DMRT1: variants seen among roughly 807,000 people sequenced by gnomAD.
DMRT1 encodes the protein doublesex- and mab-3-related transcription factor 1.
A neutral mutation model predicts 32.3 loss-of-function variants in DMRT1; 7 were observed. The ratio of observed to expected loss-of-function variants is 0.22; its 90% confidence interval spans 0.12 to 0.41. The LOEUF (loss-of-function observed/expected upper bound fraction) is 0.41, where lower values mean the gene tolerates loss of function less well. Among genes scored for constraint, DMRT1 ranks in the 10% least tolerant of loss-of-function variants. DMRT1 has a pLI of 1.00. For synonymous variants in DMRT1, 278 were observed against 206.1 expected, an observed-to-expected ratio of 1.35 and a Z score of -2.99; for missense variants, 625 against 500.5, an observed-to-expected ratio of 1.25 and a Z score of -2.37.
chr9:909,213 C>T (rs1244233347), intron 3 of DMRT1, among the ~76,000 whole-genome samples: 1 of 152,088 alleles, frequency 6.6e-6, no homozygotes, highest in Non-Finnish European at 1.5e-5. Flanking sequence ...GGCGGGTTTT[C>T]GCTGTGGGAA....
At chr9:868,442 G>T (rs574511205) in intron 2 of DMRT1, among the ~76,000 whole-genome samples, 1 of 152,230 alleles carries the variant, frequency 6.6e-6, no homozygotes, top group Admixed American at 6.5e-5. Context: ...TCACTACTTA[G>T]AATAAAAGTG....
intron 2 of DMRT1, among the ~76,000 whole-genome samples, chr9:856,427 T>C (rs1370527473): frequency 1.3e-5 from 2 of 152,154 alleles, no homozygotes; most frequent in African/African-American, 4.8e-5. Flanking sequence ...CAGACACTAA[T>C]AGATTTTCTG....
At chr9:940,444 C>T (rs1819025824) in intron 4 of DMRT1, among the ~76,000 whole-genome samples, 2 of 152,016 alleles carry the variant, frequency 1.3e-5, no homozygotes, top group South Asian at 2.1e-4. Context: ...GTGCTAAGAA[C>T]ATTCAATAGA....
chr9:858,873 ATATATAT>A (rs1564201495), intron 2 of DMRT1, among the ~76,000 whole-genome samples: 7 of 31,364 alleles, frequency 2.2e-4, no homozygotes, highest in African/African-American at 7.1e-4. Context: ...AAAAAAAAAT[ATATATAT>A]ATATATATAT....
intron 3 of DMRT1, among the ~76,000 whole-genome samples, chr9:903,078 C>A (rs1031307998): frequency 3.3e-5 from 5 of 152,210 alleles, no homozygotes; most frequent in African/African-American, 1.2e-4. Flanking sequence ...CCTTAAATGG[C>A]TTGTCAAGTC....
At chr9:887,050 G>T (rs55827977) in intron 2 of DMRT1, among the ~76,000 whole-genome samples, 6,985 of 152,278 alleles carry the variant, frequency 0.046, 454 homozygotes, top group African/African-American at 0.15. Context: ...TATTAGCTGG[G>T]CGTGGTGGCG....
At chr9:899,329 A>G (rs1430152567) in intron 3 of DMRT1, among the ~76,000 whole-genome samples, 1 of 152,190 alleles carries the variant, frequency 6.6e-6, no homozygotes, top group Non-Finnish European at 1.5e-5. Context: ...AGGGTTTCGA[A>G]TTTTTATTGT....
chr9:951,599 A>G (rs1819428900), intron 4 of DMRT1, among the ~76,000 whole-genome samples: 1 of 152,218 alleles, frequency 6.6e-6, no homozygotes, highest in Non-Finnish European at 1.5e-5. Context: ...GGCAGCATGA[A>G]GCTTGCATGT....
intron 4 of DMRT1, among the ~76,000 whole-genome samples, chr9:942,827 C>G (rs1819119697): frequency 1.3e-5 from 2 of 151,786 alleles, no homozygotes. Context: ...GACTTTTGAA[C>G]TTCTTTATTT....
At chr9:908,085 A>G (rs1817842731) in intron 3 of DMRT1, among the ~76,000 whole-genome samples, 1 of 152,212 alleles carries the variant, frequency 6.6e-6, no homozygotes, top group African/African-American at 2.4e-5. Context: ...GGCTAAAGAT[A>G]AGCAAAATGG....
chr9:924,272 A>G (rs1221221562), intron 4 of DMRT1, among the ~76,000 whole-genome samples: 1 of 151,948 alleles, frequency 6.6e-6, no homozygotes, highest in Non-Finnish European at 1.5e-5. Flanking sequence ...GGGTTTCTAC[A>G]TGTCAGCCAG....
intron 2 of DMRT1, among the ~76,000 whole-genome samples, chr9:858,108 T>C (rs1815482657): frequency 6.6e-6 from 1 of 152,142 alleles, no homozygotes; most frequent in African/African-American, 2.4e-5. Context: ...TGCCTTTTAA[T>C]CTGTGAGTTT....
intron 1 of DMRT1, among the ~76,000 whole-genome samples, chr9:843,779 C>G (rs1838791199): frequency 6.6e-6 from 1 of 152,066 alleles, no homozygotes; most frequent in Admixed American, 6.6e-5. Flanking sequence ...AAACAAATGC[C>G]CGAAGGTTAT....
chr9:937,834 G>GT (rs995268456), intron 4 of DMRT1, among the ~76,000 whole-genome samples: 84 of 148,410 alleles, frequency 5.7e-4, no homozygotes, highest in Middle Eastern at 3.5e-3. Context: ...TTGCACAAAA[G>GT]TTTTTTTTTT....
At chr9:899,723 C>G (rs890381030) in intron 3 of DMRT1, among the ~76,000 whole-genome samples, 10 of 152,246 alleles carry the variant, frequency 6.6e-5, no homozygotes, top group Admixed American at 5.2e-4. Flanking sequence ...GCAACATTAT[C>G]TCTTAAATAA....
rs752292615 is a variant in DMRT1, at chr9:968,012, C to G, written c.995C>G (p.Ser332Cys). The G allele has an allele frequency of 6.2e-7, 1 of 1,614,088 alleles. No homozygotes were observed. The highest frequency in any genetic ancestry group is 8.5e-7 in the Non-Finnish European group (1 of 1,180,032). The change falls in exon 5 of 5, where the codon TCT becomes TGT. Residue 332 changes from serine (S) to cysteine (C), a missense_variant. Physicochemically the swap from Ser to Cys is moderately radical, Grantham distance 112. Around this residue, in one of 3 missense-constraint regions of DMRT1, gnomAD observed 416 missense variants for 321.6 expected, o/e 1.29. Transcript: ENST00000382276. Reference protein sequence around the residue: ...SVFSPPSSQDSGLVSLSSSSP... With the variant: ...SVFSPPSSQDCGLVSLSSSSP... ...TTCTCGCCGCCCAGCAGTCAAGATTCTGGCTTGGTTTCCCTCTCGAGCAGC... is the reference window on the plus strand; with the variant it reads ...TTCTCGCCGCCCAGCAGTCAAGATTGTGGCTTGGTTTCCCTCTCGAGCAGC...
At chr9:906,053 T>G (rs62530270) in intron 3 of DMRT1, among the ~76,000 whole-genome samples, 1 of 73,460 alleles carries the variant, frequency 1.4e-5, no homozygotes, top group African/African-American at 3.1e-5. Flanking sequence ...ACACACACAC[T>G]CACACACTCT....
At chr9:860,040 T>C (rs1442594186) in intron 2 of DMRT1, among the ~76,000 whole-genome samples, 2 of 152,096 alleles carry the variant, frequency 1.3e-5, no homozygotes, top group Admixed American at 6.6e-5. Context: ...CTCACGCCTG[T>C]AATCCCAGCA....
intron 2 of DMRT1, among the ~76,000 whole-genome samples, chr9:853,926 G>T (rs1270873483): frequency 6.6e-6 from 1 of 152,062 alleles, no homozygotes; most frequent in Non-Finnish European, 1.5e-5. Context: ...CTCCCGAGCA[G>T]TTAGGACTAC....
Sources: allele counts gnomAD v4.1 joint callset (sites outside exome capture counted in the v4.1 genomes callset), GRCh38; gene constraint gnomAD v4.1.1; regional missense constraint gnomAD v4.1.1; transcripts MANE v1.5; gene names NCBI Gene and HGNC (gene_info 2026-07-23, HGNC 2026-07-21).